GRM5: variants seen among roughly 807,000 people sequenced by gnomAD.
GRM5 encodes metabotropic glutamate receptor 5.
A neutral mutation model predicts 83.1 loss-of-function variants in GRM5; 19 were observed. That is an observed-to-expected ratio of 0.23 (90% CI 0.16 to 0.34). The LOEUF (loss-of-function observed/expected upper bound fraction) is 0.34, where lower values mean the gene tolerates loss of function less well. GRM5 is among the 10% of genes least tolerant of loss of function. GRM5 has a pLI of 1.00. For synonymous variants in GRM5, 675 were observed against 633.6 expected, an observed-to-expected ratio of 1.07 and a Z score of -0.98; for missense variants, 1,160 against 1,588.3, an observed-to-expected ratio of 0.73 and a Z score of 4.58.
chr11:88,848,866 C>T lies in GRM5; in HGVS notation c.911+1040G>A, dbSNP rs186737139. Among the ~76,000 whole-genome samples the T allele has an allele frequency of 1.7e-3, 265 of 152,238 alleles. 1 individual carries two copies. The highest frequency in any genetic ancestry group is 3.7e-3 in the Admixed American group (57 of 15,290). On this transcript the variant is annotated intron_variant, in intron 3 of 9. Coordinates refer to ENST00000305447, the MANE Select transcript of GRM5 (RefSeq NM_001143831.3). Reference sequence around the variant, plus strand: ...GATTGCCCTCTCTAATATGGATGGACTTCAAACAATCAACTGAAGACCTGA... The same window carrying T: ...GATTGCCCTCTCTAATATGGATGGATTTCAAACAATCAACTGAAGACCTGA...
At chr11:88,597,724 C>A (rs1244662897) in intron 5 of GRM5, among the ~76,000 whole-genome samples, 2 of 152,070 alleles carry the variant, frequency 1.3e-5, no homozygotes, top group East Asian at 3.9e-4. Flanking sequence ...CATTTACTAA[C>A]CAAGTGAGAA....
intron 8 of GRM5, among the ~76,000 whole-genome samples, chr11:88,526,960 A>G (rs1941893932): frequency 6.6e-6 from 1 of 152,166 alleles, no homozygotes; most frequent in Admixed American, 6.6e-5. Context: ...AAATACGTAC[A>G]CAAGTAATTT....
chr11:88,599,610 T>A (rs1374750369), intron 5 of GRM5, among the ~76,000 whole-genome samples: 1 of 152,180 alleles, frequency 6.6e-6, no homozygotes, highest in East Asian at 1.9e-4. Context: ...ATAAAGTGAG[T>A]GTTTAAAACA....
intron 3 of GRM5, among the ~76,000 whole-genome samples, chr11:88,690,711 A>G (rs1940762049): frequency 1.3e-5 from 2 of 152,170 alleles, no homozygotes; most frequent in South Asian, 4.1e-4. Context: ...CAGACAGATA[A>G]AAGCTGTTCT....
At chr11:88,704,635 C>T (rs779885623) in intron 3 of GRM5, among the ~76,000 whole-genome samples, 7 of 152,118 alleles carry the variant, frequency 4.6e-5, no homozygotes, top group African/African-American at 7.2e-5. Flanking sequence ...TTGCCCTCTC[C>T]ATGCCTGCCT....
chr11:88,741,129 C>CTGGT (rs1437320659), intron 3 of GRM5, among the ~76,000 whole-genome samples: 1 of 152,018 alleles, frequency 6.6e-6, no homozygotes, highest in African/African-American at 2.4e-5. Context: ...GAGGAGTTCA[C>CTGGT]TGGTAGGTAA....
At chr11:89,003,659 C>G (rs115827185) in intron 2 of GRM5, among the ~76,000 whole-genome samples, 3,251 of 150,668 alleles carry the variant, frequency 0.022, 100 homozygotes, top group African/African-American at 0.075. Context: ...AAGACCCCGT[C>G]TTTGAACATT....
rs184130460 is a variant in GRM5 at position 89,051,626 on chromosome 11, C to G, written c.-200-3554G>C. On this transcript the variant is annotated intron_variant, in intron 1 of 9. Coordinates refer to ENST00000305447, the MANE Select transcript of GRM5 (RefSeq NM_001143831.3). ...TCAGGAGGCTGAGGCAGGAGAATCG[C>G]TTGAACCTGGGAGGAGGAGGATGCA... Among the ~76,000 whole-genome samples the G allele has an allele frequency of 3.9e-5, 6 of 152,196 alleles. No homozygotes were observed. In the East Asian group the frequency reaches 1.2e-3, roughly 30 times the overall value.
At chr11:88,590,491 C>G in intron 7 of GRM5, 110 bp downstream of exon 7, 1 of 809,612 alleles carries the variant, frequency 1.2e-6, no homozygotes, top group Non-Finnish European at 2.0e-6. Context: ...ATTATTTGTT[C>G]CATAAATAAG....
At chr11:88,564,431 A>G (rs943151360) in intron 8 of GRM5, among the ~76,000 whole-genome samples, 3 of 152,200 alleles carry the variant, frequency 2.0e-5, no homozygotes, top group Non-Finnish European at 4.4e-5. Flanking sequence ...AACAGTTGAA[A>G]ATATTTATTG....
intron 2 of GRM5, among the ~76,000 whole-genome samples, chr11:89,021,255 G>A (rs1940975334): frequency 6.6e-6 from 1 of 152,092 alleles, no homozygotes; most frequent in Non-Finnish European, 1.5e-5. Context: ...TAAACAGAAA[G>A]CAAAATGTGC....
intron 2 of GRM5, among the ~76,000 whole-genome samples, chr11:88,855,437 T>C (rs1459695858): frequency 6.6e-6 from 1 of 151,944 alleles, no homozygotes; most frequent in Non-Finnish European, 1.5e-5. Flanking sequence ...TAGATTCCTT[T>C]AGGCTGGAGA....
In GRM5 at chr11:88,628,657, A is replaced by G. The variant is rs544498781; in HGVS notation, c.1148-23693T>C. Among the ~76,000 whole-genome samples the G allele has an allele frequency of 3.9e-5, 6 of 152,250 alleles. No homozygotes were observed. In the East Asian group the frequency reaches 5.8e-4, roughly 15 times the overall value. On this transcript the variant is annotated intron_variant, in intron 4 of 9. Transcript: ENST00000305447. Reference sequence around the variant, plus strand: ...TGGTGTAGATTGGCATTTACATATCATGACAAAGCCCTGCTGCTGTCCATC... The same window carrying G: ...TGGTGTAGATTGGCATTTACATATCGTGACAAAGCCCTGCTGCTGTCCATC...
chr11:88,610,177 G>T (rs1938274812), intron 4 of GRM5, among the ~76,000 whole-genome samples: 3 of 152,108 alleles, frequency 2.0e-5, no homozygotes. Context: ...GATGCCTCTG[G>T]CTTTGTTCTT....
At chr11:88,703,800 T>TCTAA (rs1435636191) in intron 3 of GRM5, among the ~76,000 whole-genome samples, 10 of 152,098 alleles carry the variant, frequency 6.6e-5, no homozygotes, top group African/African-American at 2.4e-4. Flanking sequence ...CAATACAAGG[T>TCTAA]CTAACTTTTA....
chr11:88,988,406 G>A (rs1939818638), intron 2 of GRM5, among the ~76,000 whole-genome samples: 1 of 151,810 alleles, frequency 6.6e-6, no homozygotes, highest in Non-Finnish European at 1.5e-5. Context: ...AAAGTGACGG[G>A]GAGAATGGAA....
chr11:88,753,789 A>AG (rs1942335357), intron 3 of GRM5, among the ~76,000 whole-genome samples: 1 of 152,124 alleles, frequency 6.6e-6, no homozygotes, highest in African/African-American at 2.4e-5. Flanking sequence ...CAAAAGAAAA[A>AG]GGTTTACTGG....
chr11:88,684,895 G>T (rs1180951650), intron 3 of GRM5, among the ~76,000 whole-genome samples: 1 of 152,194 alleles, frequency 6.6e-6, no homozygotes, highest in Non-Finnish European at 1.5e-5. Context: ...GGAACTGTAA[G>T]TCCAATTAAA....
At chr11:88,813,216 A>T (rs1010110307) in intron 3 of GRM5, among the ~76,000 whole-genome samples, 2 of 152,208 alleles carry the variant, frequency 1.3e-5, no homozygotes, top group African/African-American at 4.8e-5. Flanking sequence ...ACCGTCTTTT[A>T]GTCTTCCAAC....
Sources: allele counts gnomAD v4.1 joint callset (sites outside exome capture counted in the v4.1 genomes callset), GRCh38; gene constraint gnomAD v4.1.1; transcripts MANE v1.5; gene names NCBI Gene and HGNC (gene_info 2026-07-23, HGNC 2026-07-21).